The following ZNF600 variants were observed in gnomAD, a reference collection of about 807,000 sequenced individuals.
ZNF600 encodes zinc finger protein KR-ZNF1.
In ZNF600, 4 loss-of-function variants were observed where a neutral mutation model predicts 7.3. The observed-to-expected ratio is 0.55, with a 90% CI of 0.27 to 1.25. The LOEUF is 1.25. ZNF600 is among the 50% of genes most tolerant of loss of function. ZNF600 has a pLI of 0.12. For synonymous variants in ZNF600, 290 were observed against 308.9 expected (o/e 0.94, Z 0.64); for missense variants, 911 against 922.1 (o/e 0.99, Z 0.16).
intron 3 of ZNF600, among the ~76,000 whole-genome samples, chr19:52,769,420 A>C (rs2062615016): frequency 6.6e-6 from 1 of 151,932 alleles, no homozygotes. Flanking sequence ...GGCGCAAGCT[A>C]TCTCTCTCTC....
At chr19:52,810,129 G>A in the ZNF600 span, 1 of 861,066 alleles carries the variant, frequency 1.2e-6, no homozygotes. Context: ...GCCGGGACTG[G>A]TCGAGGGTGA....
At chr19:52,796,959 CAT>C in the ZNF600 span, among the ~76,000 whole-genome samples, 1 of 152,126 alleles carries the variant, frequency 6.6e-6, no homozygotes, top group Non-Finnish European at 1.5e-5. Context: ...TTTCTCATAA[CAT>C]GTATTTTTTC....
chr19:52,787,871 AGAAAAAG>A (rs745603304), upstream of ZNF600, among the ~76,000 whole-genome samples: 3,021 of 138,152 alleles, frequency 0.022, 137 homozygotes, highest in African/African-American at 0.078. Flanking sequence ...AAAAAAAAAA[AGAAAAAG>A]AAAAAGAAAA....
the ZNF600 span, among the ~76,000 whole-genome samples, chr19:52,796,187 A>G: frequency 6.6e-6 from 1 of 152,162 alleles, no homozygotes; most frequent in African/African-American, 2.4e-5. Flanking sequence ...TAAAAATGAC[A>G]AAAGAGGAAA....
rs375208016 is a variant in ZNF600, at chr19:52,765,546, A to G, written c.*41T>C. 6.8e-5 allele frequency: 110 copies of G among 1,612,982 alleles called. No individual in the cohort carries two copies. The African/African-American group carries it at 1.3e-3, about 19-fold the overall frequency. Reference sequence around the variant, plus strand: ...ATTATAGATTCTCCAATGATTTGCAATGGTTGTAGCGTTACTGAAGACTTT... The same window carrying G: ...ATTATAGATTCTCCAATGATTTGCAGTGGTTGTAGCGTTACTGAAGACTTT... On this transcript the variant is annotated 3_prime_UTR_variant, in exon 4 of 4. Coordinates refer to ENST00000648973, the Ensembl canonical transcript of ZNF600.
chr19:52,787,189 G>C (rs943715011), upstream of ZNF600, among the ~76,000 whole-genome samples: 8 of 152,294 alleles, frequency 5.3e-5, no homozygotes, highest in South Asian at 6.2e-4. Context: ...CTGGGATGCG[G>C]GACGGAGAGC....
rs2147560460 is a variant in ZNF600, at chr19:52,780,909, A to G, written c.-19-2002T>C. The G allele has an allele frequency of 6.6e-6, 1 of 152,358 alleles. No individual in the cohort carries two copies. The highest frequency in any genetic ancestry group is 2.4e-5 in the African/African-American group (1 of 41,580). The allele number at this position is 152,358 out of a possible 1,614,324, so 9.4% of individuals were successfully genotyped here. A position where few individuals can be genotyped will look rare whatever the true frequency, so the allele number is the denominator to read the frequency against. On this transcript the variant is annotated intron_variant, in intron 1 of 3. The change abolishes an upstream ATG in the 5' untranslated region. Transcript: ENST00000648973. The stretch of plus-strand genomic sequence containing the variant: ...TTTCCGGAAGTACGTAGTCACCCTC[A>G]TCTGAGATGTGCAGACTGCAAGGAA...
intron 1 of ZNF600, among the ~76,000 whole-genome samples, chr19:52,786,010 T>C (rs1345207569): frequency 4.6e-5 from 7 of 152,206 alleles, no homozygotes; most frequent in Non-Finnish European, 1.5e-5. Context: ...TTCTCATTCT[T>C]CTTTTCTCTG....
At chr19:52,801,653 G>A in the ZNF600 span, 1 of 1,612,890 alleles carries the variant, frequency 6.2e-7, no homozygotes, top group Non-Finnish European at 8.5e-7. Context: ...CTTCTGTATT[G>A]CCTTGCCCTG....
the ZNF600 span, among the ~76,000 whole-genome samples, chr19:52,832,303 C>A: frequency 6.6e-6 from 1 of 152,132 alleles, no homozygotes; most frequent in Non-Finnish European, 1.5e-5. Flanking sequence ...GTCATTAAAA[C>A]TGCAGAGACA....
At chr19:52,833,085 C>T in the ZNF600 span, among the ~76,000 whole-genome samples, 1 of 152,198 alleles carries the variant, frequency 6.6e-6, no homozygotes, top group Non-Finnish European at 1.5e-5. Context: ...ATCCTGTCTA[C>T]TAGTGTGCCT....
the ZNF600 span, among the ~76,000 whole-genome samples, chr19:52,796,068 T>C: frequency 2.0e-5 from 3 of 152,136 alleles, no homozygotes; most frequent in Admixed American, 1.3e-4. Flanking sequence ...CCAGTGACTT[T>C]GGAGGCTGAA....
At chr19:52,805,148 T>C in the ZNF600 span, 3 of 151,920 alleles carry the variant, frequency 2.0e-5, no homozygotes, top group Admixed American at 6.6e-5. Flanking sequence ...CACTCACCTG[T>C]AGTCCCAGCT....
chr19:52,772,855 G>A (rs867747361), intron 3 of ZNF600, among the ~76,000 whole-genome samples: 2 of 130,236 alleles, frequency 1.5e-5, no homozygotes, highest in South Asian at 2.1e-4. Flanking sequence ...TACATCAAGG[G>A]GGATACAAGG....
chr19:52,816,444 A>G, the ZNF600 span, among the ~76,000 whole-genome samples: 10 of 145,358 alleles, frequency 6.9e-5, no homozygotes, highest in Non-Finnish European at 1.5e-4. Context: ...GTGGGAGGAT[A>G]ACGAGGTCAG....
the ZNF600 span, chr19:52,798,959 C>A: frequency 3.0e-6 from 4 of 1,354,968 alleles, no homozygotes; most frequent in Non-Finnish European, 4.0e-6. Context: ...AGTGTGAATT[C>A]TAGTATGGTG....
At chr19:52,800,212 G>A in the ZNF600 span, 1 of 1,613,380 alleles carries the variant, frequency 6.2e-7, no homozygotes, top group Non-Finnish European at 8.5e-7. Context: ...TCTGCAGTAT[G>A]AAGTTTATGA....
the ZNF600 span, among the ~76,000 whole-genome samples, chr19:52,809,293 A>G: frequency 6.6e-6 from 1 of 152,326 alleles, no homozygotes; most frequent in African/African-American, 2.4e-5. Flanking sequence ...CACTCTTTAT[A>G]CAGGGAAAAG....
At chr19:52,783,577 G>A (rs944999058) in intron 1 of ZNF600, among the ~76,000 whole-genome samples, 3 of 152,184 alleles carry the variant, frequency 2.0e-5, no homozygotes, top group Middle Eastern at 6.8e-3. Context: ...TAGCCAGGAC[G>A]GTCTCAATCT....
Sources: gnomAD v4.1 joint callset for allele counts (sites outside exome capture counted in the v4.1 genomes callset) on GRCh38, gnomAD v4.1.1 for gene constraint, MANE v1.5 for transcripts, NCBI Gene and HGNC (gene_info 2026-07-23, HGNC 2026-07-21) for gene names.